The following EGLN1 variants were observed in gnomAD, a reference collection of about 807,000 sequenced individuals.
The protein encoded by EGLN1 is egl nine homolog 1.
Under a neutral mutation model 38.3 loss-of-function variants are expected in EGLN1, and 17 were observed. The observed-to-expected ratio is 0.44, with a 90% CI of 0.30 to 0.67. The LOEUF is 0.67. Among genes scored for constraint, EGLN1 ranks in the 30% least tolerant of loss-of-function variants. The pLI, the probability that EGLN1 is intolerant of heterozygous loss-of-function variation, is 0.08. For synonymous variants in EGLN1, 283 were observed against 257.5 expected (o/e 1.10, Z -0.95); for missense variants, 477 against 603.3 (o/e 0.79, Z 2.19).
intron 1 of EGLN1, 140 bp from the exon 2 acceptor site, chr1:231,374,239 A>G (rs1450551952): frequency 2.6e-6 from 2 of 774,872 alleles, no homozygotes. Flanking sequence ...TAGATAAGAT[A>G]AGGCTATTCT....
intron 1 of EGLN1, among the ~76,000 whole-genome samples, chr1:231,403,134 T>C (rs763952117): frequency 3.9e-5 from 6 of 152,214 alleles, no homozygotes; most frequent in South Asian, 2.1e-4. Flanking sequence ...CCTTAAGTTA[T>C]TAAGACCTGC....
chr1:231,380,509 TA>T (rs1418109941), intron 1 of EGLN1, among the ~76,000 whole-genome samples: 8 of 152,070 alleles, frequency 5.3e-5, no homozygotes, highest in African/African-American at 1.9e-4. Context: ...ATAGTTTCCT[TA>T]AAAATTAGAA....
Position 231,368,386 on chromosome 1 carries a change from C to A in EGLN1, c.1149-750G>T, listed in dbSNP as rs572619317. 6.6e-4 allele frequency among the ~76,000 whole-genome samples: 100 copies of A among 152,246 alleles called. 1 individual carries two copies. Among genetic ancestry groups the A allele is most frequent in the Admixed American group, 6.0e-3 (92 of 15,294 alleles). On this transcript the variant is annotated intron_variant, in intron 3 of 4. Transcript: ENST00000366641. Reference sequence around the variant, plus strand: ...TAATGATGGATGTTTACAATTATAACCTTGACAGTTAAATTATGCTAAGAA... The same window carrying A: ...TAATGATGGATGTTTACAATTATAAACTTGACAGTTAAATTATGCTAAGAA...
chr1:231,405,526 C>T (rs1688767166), intron 1 of EGLN1, among the ~76,000 whole-genome samples: 2 of 152,146 alleles, frequency 1.3e-5, no homozygotes, highest in East Asian at 1.9e-4. Flanking sequence ...ATCTACTCAA[C>T]AACTCTTCTG....
At chr1:231,374,726 T>G (rs1214948092) in intron 1 of EGLN1, among the ~76,000 whole-genome samples, 3 of 152,050 alleles carry the variant, frequency 2.0e-5, no homozygotes, top group Admixed American at 6.6e-5. Flanking sequence ...TATGTTGTAA[T>G]AGGGATAATT....
intron 1 of EGLN1, among the ~76,000 whole-genome samples, chr1:231,420,768 G>A (rs1572056849): frequency 6.6e-6 from 1 of 152,244 alleles, no homozygotes; most frequent in African/African-American, 2.4e-5. Context: ...GCAATTAGCC[G>A]GAGAAGTTTG....
In EGLN1 at chr1:231,421,366, G is replaced by A. The variant is rs1295404790; in HGVS notation, c.523C>T (p.Pro175Ser). Residue 175 changes from proline to serine, a missense_variant, in exon 1 of 5, where the codon CCC becomes TCC. By Grantham distance (74) the Pro-to-Ser change is moderately conservative. Coordinates refer to ENST00000366641, the MANE Select transcript of EGLN1 (RefSeq NM_022051.3). The surrounding 1 kb of genome is among the most constrained non-coding windows in gnomAD (Gnocchi z 5.5). Reference protein sequence around the residue: ...PSNTPGDALSPGGGLRPNGQT... With the variant: ...PSNTPGDALSSGGGLRPNGQT... Reference sequence around the variant, plus strand: ...CCGTTGGGCCGCAGGCCGCCGCCGGGGCTCAGCGCATCCCCGGGCGTGTTG... The same window carrying A: ...CCGTTGGGCCGCAGGCCGCCGCCGGAGCTCAGCGCATCCCCGGGCGTGTTG... 3 of 1,609,352 alleles carry A rather than the reference G, an allele frequency of 1.9e-6. No individual in the cohort carries two copies. The highest frequency in any genetic ancestry group is 2.5e-6 in the Non-Finnish European group (3 of 1,177,876).
chr1:231,393,978 G>A (rs182730528), intron 1 of EGLN1, among the ~76,000 whole-genome samples: 1 of 152,300 alleles, frequency 6.6e-6, no homozygotes, highest in African/African-American at 2.4e-5. Context: ...AACAAGGGCA[G>A]GATTCTTCCA....
intron 1 of EGLN1, among the ~76,000 whole-genome samples, chr1:231,414,529 C>T (rs563934648): frequency 9.2e-5 from 14 of 152,116 alleles, no homozygotes; most frequent in African/African-American, 2.7e-4. Flanking sequence ...TCAGGGCAAA[C>T]GGCTTTAAAT....
At chr1:231,366,499 TTTTCA>T in intron 4 of EGLN1, 24 bp from the exon 5 acceptor site, 1 of 1,555,900 alleles carries the variant, frequency 6.4e-7, no homozygotes, top group Non-Finnish European at 8.8e-7. Context: ...AAAAAAAAAA[TTTTCA>T]TTCATTCACT....
intron 1 of EGLN1, among the ~76,000 whole-genome samples, chr1:231,377,778 G>T (rs539698637): frequency 1.3e-5 from 2 of 152,256 alleles, no homozygotes; most frequent in South Asian, 4.2e-4. Context: ...AATTGGGAAT[G>T]AAGTGATATG....
In EGLN1 at chr1:231,364,820, T is replaced by C. The variant is rs542483126; in HGVS notation, c.*1591A>G. ...CTAAGTGGGCAAGGTCTTACACCCA[T>C]AATTCACGCAAAATATGGATACCAC... On this transcript the variant is annotated 3_prime_UTR_variant, in exon 5 of 5. Transcript: ENST00000366641. 5 of 152,328 alleles carry C rather than the reference T, an allele frequency of 3.3e-5. No individual in the cohort carries two copies. Among genetic ancestry groups the C allele is most frequent in the East Asian group, 1.9e-4 (1 of 5,182 alleles). The allele number at this position is 152,328 out of a possible 1,614,324, so 9.4% of individuals were successfully genotyped here.
chr1:231,413,283 C>T (rs1352405673), intron 1 of EGLN1, among the ~76,000 whole-genome samples: 1 of 152,052 alleles, frequency 6.6e-6, no homozygotes, highest in East Asian at 1.9e-4. Flanking sequence ...ACCATGTTGG[C>T]CAGGCTGGTC....
Position 231,421,478 on chromosome 1 carries a change from C to T in EGLN1, c.411G>A (p.Ala137=). ...CRAAAGGQGS[A]VAAEAEPGKE... is the part of the protein sequence containing the mutation. ...TGCCGGGCTCGGCTTCGGCAGCCAC[C>T]GCCGAGCCCTGGCCGCCGGCGGCCG... The change falls in exon 1 of 5, where the codon GCG becomes GCA. Residue 137 remains alanine, a synonymous_variant. Transcript: ENST00000366641. The surrounding 1 kb of genome is among the most constrained non-coding windows in gnomAD (Gnocchi z 5.5). 5 of 1,397,926 alleles carry T rather than the reference C, an allele frequency of 3.6e-6. No homozygotes were observed. The highest frequency in any genetic ancestry group is 4.6e-6 in the Non-Finnish European group (5 of 1,077,962). 86.6% of individuals were successfully genotyped at this position (1,397,926 alleles called of 1,614,324 possible).
chr1:231,389,680 G>C (rs1216393414), intron 1 of EGLN1, among the ~76,000 whole-genome samples: 1 of 152,178 alleles, frequency 6.6e-6, no homozygotes, highest in Non-Finnish European at 1.5e-5. Context: ...CGGGTGCGGT[G>C]GCTCACGCCT....
intron 1 of EGLN1, among the ~76,000 whole-genome samples, chr1:231,406,161 GTC>G (rs1688787712): frequency 1.8e-5 from 1 of 57,140 alleles, no homozygotes. Flanking sequence ...GAGAGACTCC[GTC>G]TCAAAAAAAA....
At chr1:231,374,993 A>G (rs1350095733) in intron 1 of EGLN1, among the ~76,000 whole-genome samples, 1 of 150,170 alleles carries the variant, frequency 6.7e-6, no homozygotes, top group Non-Finnish European at 1.5e-5. Flanking sequence ...TGGTAATGGT[A>G]TTTTTTAAAA....
chr1:231,396,024 C>A (rs1458521463), intron 1 of EGLN1, among the ~76,000 whole-genome samples: 1 of 128,072 alleles, frequency 7.8e-6, no homozygotes, highest in Non-Finnish European at 1.8e-5. Flanking sequence ...CCAAATTACC[C>A]CACTCCTTTA....
intron 1 of EGLN1, among the ~76,000 whole-genome samples, chr1:231,386,138 GT>G (rs1688199331): frequency 6.6e-6 from 1 of 151,376 alleles, no homozygotes; most frequent in South Asian, 2.1e-4. Flanking sequence ...CAATAATAGC[GT>G]AACTCCCTTT....
Sources: allele counts gnomAD v4.1 joint callset (sites outside exome capture counted in the v4.1 genomes callset), GRCh38; gene constraint gnomAD v4.1.1; non-coding constraint Gnocchi (gnomAD v3.1); transcripts MANE v1.5; gene names NCBI Gene and HGNC (gene_info 2026-07-23, HGNC 2026-07-21).